DENND1A: variants seen among roughly 807,000 people sequenced by gnomAD.
DENND1A encodes the protein DENN domain-containing protein 1A.
In DENND1A, 51 loss-of-function variants were observed where a neutral mutation model predicts 113.7. That is an observed-to-expected ratio of 0.45 (90% CI 0.36 to 0.57). The LOEUF (loss-of-function observed/expected upper bound fraction) is 0.57, where lower values mean the gene tolerates loss of function less well. Ranked by LOEUF, DENND1A falls within the 20% of genes least tolerant of loss-of-function variation. The pLI is 0.00. For synonymous variants in DENND1A, 565 were observed against 570.8 expected (o/e 0.99, Z 0.14); for missense variants, 1,258 against 1,395.9 (o/e 0.90, Z 1.57).
At chr9:123,780,473 C>T (rs1325228312) in intron 3 of DENND1A, among the ~76,000 whole-genome samples, 1 of 152,142 alleles carries the variant, frequency 6.6e-6, no homozygotes, top group African/African-American at 2.4e-5. Flanking sequence ...CTTACTATTG[C>T]CATGCACTGT....
intron 19 of DENND1A, among the ~76,000 whole-genome samples, chr9:123,429,052 T>C (rs186646975): frequency 6.7e-4 from 102 of 152,294 alleles, no homozygotes; most frequent in African/African-American, 2.3e-3. Context: ...TTAAAATTCA[T>C]ATAGAACCAA....
chr9:123,723,473 G>A (rs1371049048), intron 5 of DENND1A, among the ~76,000 whole-genome samples: 1 of 152,136 alleles, frequency 6.6e-6, no homozygotes, highest in Non-Finnish European at 1.5e-5. Flanking sequence ...TGGTTTGGCT[G>A]CATTCCCACC....
At chr9:123,696,251 T>G (rs73665336) in intron 5 of DENND1A, among the ~76,000 whole-genome samples, 3 of 152,148 alleles carry the variant, frequency 2.0e-5, no homozygotes, top group Non-Finnish European at 2.9e-5. Flanking sequence ...TAGAACAGCA[T>G]GCTATGATAC....
intron 2 of DENND1A, among the ~76,000 whole-genome samples, chr9:123,867,632 C>T (rs1021771475): frequency 3.3e-5 from 5 of 152,170 alleles, no homozygotes; most frequent in African/African-American, 1.2e-4. Context: ...TCCCTTCCTC[C>T]AGTAATAGCA....
At chr9:123,681,069 G>A (rs954220798) in intron 5 of DENND1A, among the ~76,000 whole-genome samples, 9 of 152,116 alleles carry the variant, frequency 5.9e-5, no homozygotes, top group Non-Finnish European at 1.2e-4. Flanking sequence ...AGCAGAGTGA[G>A]GGGCCTAGTA....
chr9:123,711,486 A>AAAATATATATATATATGTAAATATGT (rs1318894625), intron 5 of DENND1A, among the ~76,000 whole-genome samples: 1 of 101,790 alleles, frequency 9.8e-6, no homozygotes, highest in Non-Finnish European at 2.0e-5. Flanking sequence ...TAAATTAAAA[A>AAAATATATATATATATGTAAATATGT]ATATATATAT....
At chr9:123,551,873 C>G (rs891512179) in intron 13 of DENND1A, among the ~76,000 whole-genome samples, 1 of 152,168 alleles carries the variant, frequency 6.6e-6, no homozygotes, top group Admixed American at 6.5e-5. Flanking sequence ...TGGCACAGGG[C>G]TGGGCCTCAG....
chr9:123,708,345 A>C (rs2066364492), intron 5 of DENND1A, among the ~76,000 whole-genome samples: 1 of 152,212 alleles, frequency 6.6e-6, no homozygotes, highest in African/African-American at 2.4e-5. Context: ...TTCTGGATAG[A>C]GGACTGGAAT....
At chr9:123,496,791 T>C (rs982894184) in intron 13 of DENND1A, among the ~76,000 whole-genome samples, 4 of 152,232 alleles carry the variant, frequency 2.6e-5, no homozygotes, top group African/African-American at 9.6e-5. Flanking sequence ...CTGGTACACG[T>C]AGGGGGAAAA....
At chr9:123,807,019 C>G (rs886861165) in intron 2 of DENND1A, among the ~76,000 whole-genome samples, 3 of 152,018 alleles carry the variant, frequency 2.0e-5, no homozygotes, top group African/African-American at 4.8e-5. Flanking sequence ...TTAATAAGTT[C>G]AAGTGATGCA....
intron 8 of DENND1A, among the ~76,000 whole-genome samples, chr9:123,657,850 G>C (rs937356914): frequency 6.8e-6 from 1 of 147,980 alleles, no homozygotes; most frequent in East Asian, 1.9e-4. Context: ...ATCTGCTTAA[G>C]AAAGAATCCC....
intron 13 of DENND1A, among the ~76,000 whole-genome samples, chr9:123,514,149 G>A (rs979666372): frequency 6.6e-6 from 1 of 151,092 alleles, no homozygotes. Context: ...GGGTGTCTCA[G>A]CCTAAGGTGG....
intron 12 of DENND1A, among the ~76,000 whole-genome samples, chr9:123,564,038 A>G (rs1410140977): frequency 6.6e-6 from 1 of 152,082 alleles, no homozygotes; most frequent in Non-Finnish European, 1.5e-5. Flanking sequence ...ACTGCAGAGG[A>G]GGGAGGGCCT....
chr9:123,498,829 T>A (rs1030943136), intron 13 of DENND1A, among the ~76,000 whole-genome samples: 1 of 152,008 alleles, frequency 6.6e-6, no homozygotes, highest in African/African-American at 2.4e-5. Context: ...TTAAAGTGAT[T>A]CTCCCACCTC....
chr9:123,400,951 C>T (rs2043414596), intron 21 of DENND1A: 2 of 152,164 alleles, frequency 1.3e-5, no homozygotes, highest in Non-Finnish European at 2.9e-5. Context: ...CTTCTGCTGC[C>T]CCAGTCTTCT....
chr9:123,434,702 T>C (rs2046387019), intron 19 of DENND1A, among the ~76,000 whole-genome samples: 1 of 151,994 alleles, frequency 6.6e-6, no homozygotes. Context: ...TTGGGAGAAT[T>C]TACCAGGAGG....
chr9:123,414,654 T>A, intron 19 of DENND1A: 1 of 1,529,838 alleles, frequency 6.5e-7, no homozygotes. Context: ...GGCAAAAACC[T>A]ATTAACTCTT....
intron 19 of DENND1A, among the ~76,000 whole-genome samples, chr9:123,430,963 A>G (rs547623083): frequency 9.2e-5 from 14 of 152,270 alleles, no homozygotes; most frequent in African/African-American, 3.4e-4. Context: ...AGATCATGCC[A>G]CTGCACTCTA....
At chr9:123,478,208 T>G (rs1011055624) in intron 13 of DENND1A, among the ~76,000 whole-genome samples, 2 of 152,208 alleles carry the variant, frequency 1.3e-5, no homozygotes, top group Admixed American at 6.5e-5. Context: ...AACTCAACTG[T>G]GCTCTGCAGA....
Sources: allele counts gnomAD v4.1 joint callset (sites outside exome capture counted in the v4.1 genomes callset), GRCh38; gene constraint gnomAD v4.1.1; transcripts MANE v1.5; gene names NCBI Gene and HGNC (gene_info 2026-07-23, HGNC 2026-07-21).